CSDE1: variants seen among roughly 807,000 people sequenced by gnomAD.
CSDE1 encodes cold shock domain-containing protein E1.
A neutral mutation model predicts 89.3 loss-of-function variants in CSDE1; 17 were observed. That is an observed-to-expected ratio of 0.19 (90% CI 0.13 to 0.29). The LOEUF is 0.29. Ranked by LOEUF, CSDE1 falls within the 10% of genes least tolerant of loss-of-function variation. The pLI is 1.00. For missense variants in CSDE1, 672 were observed against 984.2 expected (o/e 0.68, Z 4.24); for synonymous variants, 322 against 332.8 (o/e 0.97, Z 0.35).
At position 114,730,262 on chromosome 1, in the gene CSDE1, T is replaced by C; in HGVS notation, c.1352A>G (p.Glu451Gly). The change falls in exon 12 of 20, where the codon GAG becomes GGG. Residue 451 changes from glutamate (E) to glycine (G), a missense_variant. Glu to Gly is a moderately conservative substitution (Grantham distance 98, BLOSUM62 -2). Transcript: ENST00000358528. ...TTTGGATTATGCAAAACCTACCTTC[T>C]CTTTGCCTTTATTTGGGCTAGTGGT... Reference protein sequence around the residue: ...PKTTSPNKGKEKEAEDGIIAY... With the variant: ...PKTTSPNKGKGKEAEDGIIAY... 1 of 1,612,622 alleles carries C rather than the reference T, an allele frequency of 6.2e-7. No homozygotes were observed. The highest frequency in any genetic ancestry group is 8.5e-7 in the Non-Finnish European group (1 of 1,179,658).
chr1:114,746,504 A>T (rs1056682809), intron 2 of CSDE1: 2 of 151,864 alleles, frequency 1.3e-5, no homozygotes, highest in African/African-American at 2.4e-5. Flanking sequence ...AAATTATCAG[A>T]CTCTTTGTAG....
intron 6 of CSDE1, among the ~76,000 whole-genome samples, chr1:114,735,875 C>A (rs1660372562): frequency 6.6e-6 from 1 of 152,114 alleles, no homozygotes; most frequent in Non-Finnish European, 1.5e-5. Flanking sequence ...CCCCTATAGG[C>A]AGGAAATAGA....
At position 114,739,706 on chromosome 1, in the gene CSDE1, T is replaced by C; in HGVS notation, c.185A>G (p.Asp62Gly). ...HCSQYNGNLQ[D>G]LKVGDDVEFE... ...TGACAGATTACCTCCTACTTTTAAG[T>C]CTTGCAGGTTGCCATTATACTGTGA... The change falls in exon 3 of 20, where the codon GAC becomes GGC. Residue 62 changes from aspartate (D) to glycine (G), a missense_variant. Around this residue, in one of 8 missense-constraint regions of CSDE1, gnomAD observed 34 missense variants for 73.3 expected, o/e 0.46. Transcript: ENST00000358528. 6.2e-7 allele frequency: 1 copy of C among 1,607,892 alleles called. No individual in the cohort carries two copies.
chr1:114,756,034 T>C (rs1184228529), intron 1 of CSDE1, among the ~76,000 whole-genome samples: 1 of 152,202 alleles, frequency 6.6e-6, no homozygotes, highest in Non-Finnish European at 1.5e-5. Flanking sequence ...CCCTACACGA[T>C]GTGTCTTCAG....
intron 2 of CSDE1, chr1:114,748,545 T>C (rs1186213917): frequency 6.6e-6 from 1 of 152,230 alleles, no homozygotes; most frequent in Non-Finnish European, 1.5e-5. Context: ...TAGATTTCCA[T>C]AACATATTTT....
chr1:114,725,411 A>G, intron 14 of CSDE1, 78 bp from the exon 15 acceptor site: 1 of 1,091,920 alleles, frequency 9.2e-7, no homozygotes, highest in South Asian at 1.3e-5. Flanking sequence ...ATTTTACAGT[A>G]ACAGTCATGG....
Position 114,737,945 on chromosome 1 carries a change from A to G in CSDE1, c.309+18T>C, listed in dbSNP as rs558786380. The G allele has an allele frequency of 4.5e-6, 7 of 1,547,534 alleles. No individual in the cohort carries two copies. The East Asian group carries it at 1.6e-4, about 35-fold the overall frequency. On this transcript the variant is annotated intron_variant, in intron 4 of 19. Transcript: ENST00000358528. ...AATGCAGGGCCCTAAAAAAACACAA[A>G]GCATCAAAGTCACTAACTTGTCCAT...
chr1:114,732,502 G>C (rs1166556453), intron 10 of CSDE1, 102 bp downstream of exon 10: 1 of 1,005,992 alleles, frequency 9.9e-7, no homozygotes, highest in Non-Finnish European at 1.5e-6. Flanking sequence ...ATGCCCATTA[G>C]GGTCATTTAA....
Position 114,736,871 on chromosome 1 carries a change from T to C in CSDE1, c.403-16A>G, listed in dbSNP as rs1177662089. The C allele has an allele frequency of 6.4e-7, 1 of 1,566,976 alleles. No homozygotes were observed. The highest frequency in any genetic ancestry group is 8.8e-7 in the Non-Finnish European group (1 of 1,139,578). On this transcript the variant is annotated splice_polypyrimidine_tract_variant and intron_variant, in intron 5 of 19. Transcript: ENST00000358528. ...AAAACACTTCCTGTGAATTAATAAA[T>C]CATTATTACTATTTTGGCAGGATGC...
chr1:114,733,583 C>G, intron 9 of CSDE1, 149 bp downstream of exon 9: 4 of 495,290 alleles, frequency 8.1e-6, no homozygotes, highest in Non-Finnish European at 9.9e-6. Flanking sequence ...TCTGGTTTCT[C>G]TTTTAGTTTA....
chr1:114,733,605 C>T, intron 9 of CSDE1, 127 bp downstream of exon 9: 1 of 606,984 alleles, frequency 1.6e-6, no homozygotes, highest in East Asian at 3.4e-5. Flanking sequence ...ATATACGTAA[C>T]AAGAGGTCCT....
At chr1:114,719,315 G>A (rs1022600314) in intron 18 of CSDE1, among the ~76,000 whole-genome samples, 9 of 152,128 alleles carry the variant, frequency 5.9e-5, no homozygotes, top group African/African-American at 1.7e-4. Context: ...GAAGCAAAGC[G>A]GCATTATGAA....
At position 114,733,983 on chromosome 1, in the gene CSDE1, T is replaced by G; in HGVS notation, c.711+6A>C. 1 of 1,610,778 alleles carries G rather than the reference T, an allele frequency of 6.2e-7. No individual in the cohort carries two copies. Among genetic ancestry groups the G allele is most frequent in the Non-Finnish European group, 8.5e-7 (1 of 1,179,108 alleles). On this transcript the variant is annotated splice_donor_region_variant and intron_variant, in intron 8 of 19. Coordinates refer to ENST00000358528, the MANE Select transcript of CSDE1 (RefSeq NM_001007553.3). The stretch of plus-strand genomic sequence containing the variant: ...GGCCAAAGATCAAGTTAACTGACTG[T>G]CTTACATTTCTGTCCTTGATTGTGA...
intron 16 of CSDE1, among the ~76,000 whole-genome samples, chr1:114,723,682 T>C (rs1395705760): frequency 6.6e-6 from 1 of 152,200 alleles, no homozygotes; most frequent in Non-Finnish European, 1.5e-5. Flanking sequence ...CACAAAGCAG[T>C]CACGTTTTCA....
chr1:114,718,325 T>C (rs1237456741), intron 19 of CSDE1, 109 bp from the exon 20 acceptor site: 14 of 1,285,554 alleles, frequency 1.1e-5, no homozygotes, highest in Non-Finnish European at 1.5e-5. Flanking sequence ...TTTTTAATCA[T>C]CTTATGCAGT....
chr1:114,750,683 T>C lies in CSDE1; in HGVS notation c.-387-476A>G, dbSNP rs578008352. On this transcript the variant is annotated intron_variant, in intron 1 of 19. Transcript: ENST00000358528. ...TATTATGTCACAGACTATCTAGAAA[T>C]ATTATTTATTGTTTATCCACAACTG... 5.9e-5 allele frequency among the ~76,000 whole-genome samples: 9 copies of C among 152,160 alleles called. No homozygotes were observed. The East Asian group carries it at 1.5e-3, about 26-fold the overall frequency.
At chr1:114,747,596 A>G (rs1356948540) in intron 2 of CSDE1, among the ~76,000 whole-genome samples, 1 of 152,228 alleles carries the variant, frequency 6.6e-6, no homozygotes, top group Non-Finnish European at 1.5e-5. Context: ...ACGGTGGCTC[A>G]TGCCTGTAAT....
chr1:114,723,468 A>G (rs971553734), intron 16 of CSDE1, among the ~76,000 whole-genome samples: 3 of 152,212 alleles, frequency 2.0e-5, no homozygotes, highest in Non-Finnish European at 4.4e-5. Context: ...GATTATGTAC[A>G]TATGTGTAGT....
At chr1:114,749,590 G>A (rs2101083504) in intron 2 of CSDE1, among the ~76,000 whole-genome samples, 1 of 152,286 alleles carries the variant, frequency 6.6e-6, no homozygotes, top group East Asian at 1.9e-4. Context: ...TAAGAGACCA[G>A]CAAGTCGAGA....
Sources: gnomAD v4.1 joint callset for allele counts (sites outside exome capture counted in the v4.1 genomes callset) on GRCh38, gnomAD v4.1.1 for gene constraint, gnomAD v4.1.1 regional missense constraint, MANE v1.5 for transcripts, NCBI Gene and HGNC (gene_info 2026-07-23, HGNC 2026-07-21) for gene names.